The following MEF2D variants were observed in gnomAD, a reference collection of about 807,000 sequenced individuals.
The protein encoded by MEF2D is myocyte-specific enhancer factor 2D.
A neutral mutation model predicts 59.3 loss-of-function variants in MEF2D; 10 were observed. The ratio of observed to expected loss-of-function variants is 0.17; its 90% CI spans 0.10 to 0.29. The LOEUF (loss-of-function observed/expected upper bound fraction) is 0.29. Ranked by LOEUF, MEF2D falls within the 10% of genes least tolerant of loss-of-function variation. The probability of loss-of-function intolerance (pLI) is 1.00; values close to 1 mark genes in which losing one functional copy is unlikely to be tolerated. For synonymous variants in MEF2D, 305 were observed against 295.0 expected (o/e 1.03, Z -0.35); for missense variants, 508 against 699.4 (o/e 0.73, Z 3.09).
In MEF2D at chr1:156,494,397, C is replaced by T. The variant is rs554328452; in HGVS notation, c.-139+6089G>A. Among the ~76,000 whole-genome samples the T allele has an allele frequency of 1.3e-4, 20 of 152,230 alleles. No individual in the cohort carries two copies. In the South Asian group the frequency reaches 4.1e-3, roughly 32 times the overall value. On this transcript the variant is annotated intron_variant, in intron 1 of 11. Transcript: ENST00000348159. ...GGATGAGAGAATCACGAGGGATAAG[C>T]AAGCATGCAGCCAGAGGGATCTGGC...
chr1:156,465,190 G>A lies in MEF2D; in HGVS notation c.*2455C>T, dbSNP rs768527204. On this transcript the variant is annotated 3_prime_UTR_variant, in exon 12 of 12. Coordinates refer to ENST00000348159, the MANE Select transcript of MEF2D (RefSeq NM_005920.4). ...GCGGATTGGGGTTAAGAGTGAGTAA[G>A]TGATCACTGCTCAGCTGAGGGAGAA... 6.6e-6 allele frequency: 1 copy of A among 152,342 alleles called. No homozygotes were observed. Among genetic ancestry groups the A allele is most frequent in the Non-Finnish European group, 1.5e-5 (1 of 68,110 alleles). The allele number at this position is 152,342 out of a possible 1,614,324, so 9.4% of individuals were successfully genotyped here. A position where few individuals can be genotyped will look rare whatever the true frequency, so the allele number is the denominator to read the frequency against.
intron 3 of MEF2D, among the ~76,000 whole-genome samples, chr1:156,481,341 C>T (rs1180302895): frequency 1.3e-5 from 2 of 152,188 alleles, no homozygotes; most frequent in Non-Finnish European, 2.9e-5. Flanking sequence ...CCCGACCACC[C>T]TGTGGTAAGC....
chr1:156,483,340 G>C lies in MEF2D; in HGVS notation c.-48C>G, dbSNP rs773123404. On this transcript the variant is annotated 5_prime_UTR_variant, in exon 2 of 12. Transcript: ENST00000348159. ...TACGGAGGGGAGGGGCTCGCTGGGTGGTGGGTCTCGGCACACCTTACACTG... is the reference window on the plus strand; with the variant it reads ...TACGGAGGGGAGGGGCTCGCTGGGTCGTGGGTCTCGGCACACCTTACACTG... 1 of 1,566,974 alleles carries C rather than the reference G, an allele frequency of 6.4e-7. No individual in the cohort carries two copies.
intron 1 of MEF2D, among the ~76,000 whole-genome samples, chr1:156,492,242 C>T (rs928265319): frequency 2.0e-5 from 3 of 152,214 alleles, no homozygotes; most frequent in Admixed American, 6.5e-5. Context: ...ATTTCCAAAA[C>T]GCATCCACAG....
chr1:156,482,372 C>T (rs558771549), intron 3 of MEF2D, 65 bp downstream of exon 3: 55 of 1,562,318 alleles, frequency 3.5e-5, no homozygotes, highest in Admixed American at 5.0e-5. Flanking sequence ...GTACATGCAA[C>T]GTGGGCACGT....
At chr1:156,484,395 A>G (rs991014105) in intron 1 of MEF2D, among the ~76,000 whole-genome samples, 3 of 152,248 alleles carry the variant, frequency 2.0e-5, no homozygotes, top group Non-Finnish European at 2.9e-5. Flanking sequence ...AGCAACACAT[A>G]AACGAATGAG....
At chr1:156,478,731 T>C (rs1281210707) in intron 6 of MEF2D, among the ~76,000 whole-genome samples, 1 of 148,426 alleles carries the variant, frequency 6.7e-6, no homozygotes, top group East Asian at 1.9e-4. Flanking sequence ...GGTTTCTCCA[T>C]GTTTGTCAGG....
rs894584354 is a variant in MEF2D at position 156,466,985 on chromosome 1, C to A, written c.*660G>T. 1 of 152,638 alleles carries A rather than the reference C, an allele frequency of 6.6e-6. No homozygotes were observed. The highest frequency in any genetic ancestry group is 2.4e-5 in the African/African-American group (1 of 41,442). 9.5% of individuals were successfully genotyped at this position (152,638 alleles called of 1,614,324 possible). Reference sequence around the variant, plus strand: ...TTCCCGGCCCAAAGCTCAGCCAGCACCCACACACCTTGGGGGTGCAGCACA... The same window carrying A: ...TTCCCGGCCCAAAGCTCAGCCAGCAACCACACACCTTGGGGGTGCAGCACA... On this transcript the variant is annotated 3_prime_UTR_variant, in exon 12 of 12. Coordinates refer to ENST00000348159, the MANE Select transcript of MEF2D (RefSeq NM_005920.4).
intron 9 of MEF2D, among the ~76,000 whole-genome samples, chr1:156,470,706 A>G (rs1671184130): frequency 6.6e-6 from 1 of 152,246 alleles, no homozygotes; most frequent in Non-Finnish European, 1.5e-5. Context: ...CTCTGCCTAT[A>G]AACTGGAGGT....
chr1:156,480,301 T>A (rs529027064), intron 4 of MEF2D, among the ~76,000 whole-genome samples: 10 of 152,122 alleles, frequency 6.6e-5, no homozygotes, highest in Admixed American at 1.3e-4. Flanking sequence ...CAAGGCTGAG[T>A]GTCTCTGGTT....
Position 156,479,339 on chromosome 1 carries a change from C to T in MEF2D, c.615G>A (p.Met205Ile). Residue 205 changes from methionine (M) to isoleucine (I), a missense_variant, in exon 6 of 12, where the codon ATG (methionine) becomes ATA (isoleucine). Around this residue, in one of 2 missense-constraint regions of MEF2D, gnomAD observed 481 missense variants for 584.7 expected, o/e 0.82. Coordinates refer to ENST00000348159, the MANE Select transcript of MEF2D (RefSeq NM_005920.4). Reference sequence around the variant, plus strand: ...TAGCACTGTTCAGGTCACCCCCCAGCATGGCCCCTGGAGGAAAAACAGAAC... The same window carrying T: ...TAGCACTGTTCAGGTCACCCCCCAGTATGGCCCCTGGAGGAAAAACAGAAC... ...LPQRPASAGA[M>I]LGGDLNSANG... 6.2e-7 allele frequency: 1 copy of T among 1,612,600 alleles called. No homozygotes were observed. Among genetic ancestry groups the T allele is most frequent in the Non-Finnish European group, 8.5e-7 (1 of 1,179,484 alleles).
rs749923841 is a variant in MEF2D at position 156,480,901 on chromosome 1, C to A, written c.329G>T (p.Ser110Ile). Reference sequence around the variant, plus strand: ...TCGGTACTTGTCCTCCAGCAGGGGGCTCTGTTCCAGCGAGTCCTCCCCGTC... The same window carrying A: ...TCGGTACTTGTCCTCCAGCAGGGGGATCTGTTCCAGCGAGTCCTCCCCGTC... The part of the protein sequence containing the change: ...EPDGEDSLEQ[S>I]PLLEDKYRRA... The change falls in exon 4 of 12, where the codon AGC becomes ATC. Residue 110 changes from serine to isoleucine, a missense_variant. Ser to Ile is a moderately radical substitution (Grantham distance 142). Coordinates refer to ENST00000348159, the MANE Select transcript of MEF2D (RefSeq NM_005920.4). The A allele has an allele frequency of 1.2e-6, 2 of 1,610,978 alleles. No homozygotes were observed. The highest frequency in any genetic ancestry group is 1.1e-5 in the South Asian group (1 of 90,830).
At chr1:156,484,750 C>T (rs1672238602) in intron 1 of MEF2D, among the ~76,000 whole-genome samples, 1 of 152,224 alleles carries the variant, frequency 6.6e-6, no homozygotes. Context: ...CACTGAACAA[C>T]TCCAGGAGGC....
At chr1:156,476,891 T>G in intron 7 of MEF2D, 121 bp downstream of exon 7, 1 of 1,194,462 alleles carries the variant, frequency 8.4e-7, no homozygotes, top group Non-Finnish European at 1.2e-6. Context: ...GGTTCCAAGA[T>G]TTATCTTGGG....
Position 156,469,509 on chromosome 1 carries a change from C to T in MEF2D, c.1007-489G>A, listed in dbSNP as rs188429711. ...CTGACCTCAAGTGATTCGCCCACCT[C>T]GGCCTCCCAAAGTGCTGGGATTACA... On this transcript the variant is annotated intron_variant, in intron 9 of 11. Transcript: ENST00000348159. Among the ~76,000 whole-genome samples, 39 of 151,720 alleles carry T rather than the reference C, an allele frequency of 2.6e-4. No individual in the cohort carries two copies. The East Asian group carries it at 7.2e-3, about 28-fold the overall frequency.
intron 11 of MEF2D, 112 bp from the exon 12 acceptor site, chr1:156,467,768 T>C: frequency 8.5e-7 from 1 of 1,178,696 alleles, no homozygotes; most frequent in Admixed American, 3.0e-5. Context: ...CAGGGCCAGC[T>C]GTGAGGGGAA....
At chr1:156,495,445 A>G (rs1673072669) in intron 1 of MEF2D, among the ~76,000 whole-genome samples, 1 of 152,206 alleles carries the variant, frequency 6.6e-6, no homozygotes, top group African/African-American at 2.4e-5. Context: ...ACACAGGAAC[A>G]TAAGAAATGG....
Position 156,467,656 on chromosome 1 carries a change from T to C in MEF2D, c.1555A>G (p.Thr519Ala). The change falls in exon 12 of 12, where the codon ACA becomes GCA. Residue 519 changes from threonine (T) to alanine (A), a missense_variant and splice_region_variant. Physicochemically the swap from Thr to Ala is moderately conservative, Grantham distance 58 (BLOSUM62 0). Around this residue, in one of 2 missense-constraint regions of MEF2D, gnomAD observed 481 missense variants for 584.7 expected, o/e 0.82. Transcript: ENST00000348159. The part of the protein sequence containing the change: ...AVKRMRLDTW[T>A]LK ...GGGAGTGGGAATCGTCACTTTAATG[T>C]CTGTGAAGAGAGGAGATGGAGAAGG... is the stretch of plus-strand genomic sequence containing the variant. 6 of 1,335,004 alleles carry C rather than the reference T, an allele frequency of 4.5e-6. No individual in the cohort carries two copies. The highest frequency in any genetic ancestry group is 4.8e-6 in the Non-Finnish European group (5 of 1,034,602). 82.7% of individuals were successfully genotyped at this position (1,335,004 alleles called of 1,614,324 possible). A position where few individuals can be genotyped will look rare whatever the true frequency, so the allele number is the denominator to read the frequency against.
At position 156,478,773 on chromosome 1, in the gene MEF2D, G is replaced by A. The variant is rs544802634; in HGVS notation, c.664+517C>T. 2.6e-5 allele frequency among the ~76,000 whole-genome samples: 4 copies of A among 152,122 alleles called. No individual in the cohort carries two copies. The South Asian group carries it at 6.2e-4, about 24-fold the overall frequency. On this transcript the variant is annotated intron_variant, in intron 6 of 11. Transcript: ENST00000348159. ...TCAAACTCCCGACCTCAGGTGATCCGCCCATCTCAGCCTCCCAAAGTGCTG... is the reference window on the plus strand; with the variant it reads ...TCAAACTCCCGACCTCAGGTGATCCACCCATCTCAGCCTCCCAAAGTGCTG...
Sources: gnomAD v4.1 joint callset for allele counts (sites outside exome capture counted in the v4.1 genomes callset) on GRCh38, gnomAD v4.1.1 for gene constraint, gnomAD v4.1.1 regional missense constraint, MANE v1.5 for transcripts, NCBI Gene and HGNC (gene_info 2026-07-23, HGNC 2026-07-21) for gene names.